Variants in LINC00632 observed in about 807,000 individuals in gnomAD.
The protein encoded by LINC00632 is long independently transcribed non-coding RNA 632, also known as ALDOA related specific transcript.
At chrX:140,713,880 C>T (rs765424016) in intron 2 of LINC00632, 3 of 285,775 alleles carry the variant, frequency 1.0e-5, no homozygotes, top group Non-Finnish European at 2.0e-5. Flanking sequence ...ATCCCAACAT[C>T]ACACACTGTT....
At chrX:140,722,820 C>T (rs1434886276) in intron 2 of LINC00632, among the ~76,000 whole-genome samples, 1 of 111,185 alleles carries the variant, frequency 9.0e-6, no homozygotes, top group African/African-American at 3.3e-5. Context: ...GAGGCTGAGG[C>T]GGGCGGATCA....
chrX:140,739,250 G>A (rs189003519), intron 3 of LINC00632, among the ~76,000 whole-genome samples: 24 of 109,610 alleles, frequency 2.2e-4, no homozygotes, highest in African/African-American at 6.0e-4. Flanking sequence ...ATGGAGTTTC[G>A]CTCTTGTTGC....
intron 3 of LINC00632, among the ~76,000 whole-genome samples, chrX:140,738,504 C>T (rs886371565): frequency 1.8e-5 from 2 of 112,094 alleles, no homozygotes; most frequent in Non-Finnish European, 3.8e-5. Flanking sequence ...CATGTTTGAG[C>T]AAAATGTCCT....
At chrX:140,717,543 C>A (rs1178655654) in intron 2 of LINC00632, among the ~76,000 whole-genome samples, 2 of 110,999 alleles carry the variant, frequency 1.8e-5, no homozygotes, top group Admixed American at 1.9e-4. Flanking sequence ...CACGAAAACA[C>A]CCAGACTCCC....
chrX:140,767,035 C>T (rs73576525), intron 3 of LINC00632, among the ~76,000 whole-genome samples: 2 of 111,590 alleles, frequency 1.8e-5, no homozygotes, highest in African/African-American at 6.5e-5. Context: ...TGGAGGCCTT[C>T]TTTTTTATTT....
At chrX:140,753,378 G>A (rs771947672) in intron 3 of LINC00632, among the ~76,000 whole-genome samples, 14 of 111,587 alleles carry the variant, frequency 1.3e-4, no homozygotes, top group Admixed American at 1.2e-3. Flanking sequence ...AAACATCTTC[G>A]CCTTTATTTT....
exon 5 of LINC00632, chrX:140,784,596 C>G (rs1931989601): frequency 2.2e-6 from 1 of 448,916 alleles, no homozygotes; most frequent in Non-Finnish European, 3.9e-6. Context: ...ATATCCATGT[C>G]TTCCAACGTC....
chrX:140,719,401 C>T (rs751506484), intron 2 of LINC00632, among the ~76,000 whole-genome samples: 7 of 110,347 alleles, frequency 6.3e-5, no homozygotes, highest in South Asian at 4.0e-4. Context: ...CAGGTTCTAG[C>T]GATTCTTCTG....
exon 5 of LINC00632, among the ~76,000 whole-genome samples, chrX:140,782,216 T>A (rs966626741): frequency 8.9e-6 from 1 of 112,167 alleles, no homozygotes; most frequent in East Asian, 2.8e-4. Flanking sequence ...TAGGCCCTAA[T>A]ACACAACTCT....
chrX:140,757,887 C>T (rs1179595528), intron 3 of LINC00632, among the ~76,000 whole-genome samples: 3 of 111,366 alleles, frequency 2.7e-5, no homozygotes, highest in Non-Finnish European at 5.7e-5. Flanking sequence ...TGTTTTTTAG[C>T]GGGATAAATT....
At position 140,712,857 on chromosome X, in the gene LINC00632, GA is replaced by G. The variant is rs759355577; in HGVS notation, n.104+1209del. 4.5e-3 allele frequency among the ~76,000 whole-genome samples: 443 copies of G among 98,833 alleles called. 2 individuals are homozygous for G. Among genetic ancestry groups the G allele is most frequent in the African/African-American group, 0.012 (344 of 27,521 alleles). The allele number at this position is 98,833 out of a possible 115,157, so 85.8% of individuals were successfully genotyped here. A position where few individuals can be genotyped will look rare whatever the true frequency, so the allele number is the denominator to read the frequency against. On this transcript the variant is annotated intron_variant and non_coding_transcript_variant, in intron 2 of 4. Coordinates refer to ENST00000648200, the Ensembl canonical transcript of LINC00632. The stretch of plus-strand genomic sequence containing the variant: ...TCTTAGCTTTACTGATTCTGGGGGG[GA>G]AAAAAAAGGGCGGGGGGAGGATGGC...
intron 2 of LINC00632, among the ~76,000 whole-genome samples, chrX:140,721,127 A>T (rs2148378541): frequency 8.9e-6 from 1 of 111,933 alleles, no homozygotes; most frequent in African/African-American, 3.2e-5. Flanking sequence ...AAAGACCCCC[A>T]AAATGTTTGC....
chrX:140,761,397 T>A (rs1931592375), intron 3 of LINC00632, among the ~76,000 whole-genome samples: 1 of 112,415 alleles, frequency 8.9e-6, no homozygotes, highest in South Asian at 3.7e-4. Flanking sequence ...CAAATGAGCT[T>A]TAGCACGTGA....
chrX:140,736,786 C>T (rs774322311), intron 3 of LINC00632, among the ~76,000 whole-genome samples: 15 of 109,575 alleles, frequency 1.4e-4, no homozygotes, highest in African/African-American at 3.7e-4. Flanking sequence ...AAAATACTTG[C>T]TAAATATAAA....
intron 3 of LINC00632, among the ~76,000 whole-genome samples, chrX:140,747,955 G>A (rs1025183743): frequency 2.7e-5 from 3 of 111,906 alleles, no homozygotes; most frequent in Non-Finnish European, 3.8e-5. Context: ...AGCCTCCCGA[G>A]TAGCTGGGCT....
intron 2 of LINC00632, among the ~76,000 whole-genome samples, chrX:140,724,461 G>C (rs1259874544): frequency 4.0e-4 from 9 of 22,533 alleles, no homozygotes; most frequent in East Asian, 3.4e-3. Flanking sequence ...TACACACACA[G>C]AGGCATATTC....
At chrX:140,727,321 C>T (rs770495847) in intron 2 of LINC00632, among the ~76,000 whole-genome samples, 4 of 111,931 alleles carry the variant, frequency 3.6e-5, no homozygotes, top group South Asian at 3.7e-4. Context: ...GATGGATTTT[C>T]GCTCTTGTTG....
chrX:140,747,763 G>A (rs1931348700), intron 3 of LINC00632, among the ~76,000 whole-genome samples: 1 of 111,416 alleles, frequency 9.0e-6, no homozygotes, highest in South Asian at 3.8e-4. Context: ...CTCTGGCTGT[G>A]CCTTTGGTGC....
At chrX:140,710,287 C>A (rs774221059) in intron 1 of LINC00632, among the ~76,000 whole-genome samples, 1 of 111,201 alleles carries the variant, frequency 9.0e-6, no homozygotes, top group African/African-American at 3.3e-5. Flanking sequence ...AGTCGTGTGA[C>A]GGGATGTCTG....
Sources: allele counts gnomAD v4.1 joint callset (sites outside exome capture counted in the v4.1 genomes callset), GRCh38; gene constraint gnomAD v4.1.1; transcripts MANE v1.5; gene names NCBI Gene and HGNC (gene_info 2026-07-23, HGNC 2026-07-21).